ATXN1: variants seen among roughly 807,000 people sequenced by gnomAD.
ATXN1 encodes ataxin-1.
In ATXN1, 8 loss-of-function variants were observed where a neutral mutation model predicts 56.4. The observed-to-expected ratio is 0.14, with a 90% CI of 0.08 to 0.26. ATXN1 has a LOEUF of 0.26. Ranked by LOEUF, ATXN1 falls within the 10% of genes least tolerant of loss-of-function variation. The pLI is 1.00. For synonymous variants in ATXN1, 514 were observed against 494.6 expected (o/e 1.04, Z -0.52); for missense variants, 987 against 1,106.5 (o/e 0.89, Z 1.53).
chr6:16,651,354 C>T (rs944762898), intron 3 of ATXN1, among the ~76,000 whole-genome samples: 4 of 152,122 alleles, frequency 2.6e-5, no homozygotes, highest in Admixed American at 6.6e-5. Context: ...ACCAACCTGA[C>T]CAACATGGTG....
At chr6:16,589,074 C>A (rs532428252) in intron 3 of ATXN1, among the ~76,000 whole-genome samples, 2 of 152,168 alleles carry the variant, frequency 1.3e-5, no homozygotes, top group African/African-American at 2.4e-5. Context: ...TCTTCTGTTC[C>A]CCCCACACAT....
At chr6:16,685,885 T>C (rs897307686) in intron 2 of ATXN1, among the ~76,000 whole-genome samples, 1 of 152,230 alleles carries the variant, frequency 6.6e-6, no homozygotes, top group Non-Finnish European at 1.5e-5. Context: ...GCTTTACTGG[T>C]ATATTTATTT....
intron 3 of ATXN1, among the ~76,000 whole-genome samples, chr6:16,609,813 C>T (rs572275896): frequency 6.6e-6 from 1 of 152,030 alleles, no homozygotes; most frequent in African/African-American, 2.4e-5. Context: ...GAAATAGAAA[C>T]AAGTTTCAGA....
intron 6 of ATXN1, among the ~76,000 whole-genome samples, chr6:16,376,646 T>C (rs1305343292): frequency 2.0e-5 from 3 of 152,206 alleles, no homozygotes; most frequent in African/African-American, 7.2e-5. Flanking sequence ...TCATTTAAAA[T>C]CTACAGCTTT....
intron 6 of ATXN1, among the ~76,000 whole-genome samples, chr6:16,465,218 T>C (rs1439689690): frequency 6.6e-6 from 1 of 152,180 alleles, no homozygotes; most frequent in Non-Finnish European, 1.5e-5. Context: ...ATCCCAGCAC[T>C]TTGGGAGGCC....
At chr6:16,440,452 A>G (rs879575308) in intron 6 of ATXN1, among the ~76,000 whole-genome samples, 2 of 151,736 alleles carry the variant, frequency 1.3e-5, no homozygotes, top group Non-Finnish European at 2.9e-5. Flanking sequence ...AAAGAAAAAA[A>G]AAAAACCATT....
At chr6:16,359,279 G>A (rs769485801) in intron 6 of ATXN1, among the ~76,000 whole-genome samples, 1 of 152,180 alleles carries the variant, frequency 6.6e-6, no homozygotes, top group African/African-American at 2.4e-5. Context: ...GCCGACCAGA[G>A]TGGGGACTCG....
intron 6 of ATXN1, among the ~76,000 whole-genome samples, chr6:16,408,929 C>G (rs1164858814): frequency 6.6e-6 from 1 of 152,120 alleles, no homozygotes; most frequent in Non-Finnish European, 1.5e-5. Context: ...TAATTCTTAC[C>G]TTGGCACCCA....
Position 16,595,938 on chromosome 6 carries a change from G to A in ATXN1, c.-488-10031C>T, listed in dbSNP as rs185674981. On this transcript the variant is annotated intron_variant, in intron 3 of 7. Coordinates refer to ENST00000436367, the MANE Select transcript of ATXN1 (RefSeq NM_001128164.2). ...TAGTGAGCTGGAACCCAGCCAGGCA[G>A]TGTTAAACAGGAGCGAGAGACTTTC... Among the ~76,000 whole-genome samples the A allele has an allele frequency of 9.8e-5, 15 of 152,362 alleles. No individual in the cohort carries two copies. In the East Asian group the frequency reaches 2.9e-3, roughly 29 times the overall value.
At chr6:16,513,692 G>C (rs1761125112) in intron 5 of ATXN1, among the ~76,000 whole-genome samples, 1 of 152,166 alleles carries the variant, frequency 6.6e-6, no homozygotes, top group African/African-American at 2.4e-5. Context: ...CTGGTTTGAA[G>C]AAGTGGGAGA....
At chr6:16,409,957 A>G (rs1758764965) in intron 6 of ATXN1, among the ~76,000 whole-genome samples, 2 of 152,224 alleles carry the variant, frequency 1.3e-5, no homozygotes. Flanking sequence ...TGTCCAAAGC[A>G]TGCTTGGTAC....
intron 3 of ATXN1, among the ~76,000 whole-genome samples, chr6:16,646,750 TA>T: frequency 6.6e-6 from 1 of 152,334 alleles, no homozygotes; most frequent in East Asian, 1.9e-4. Context: ...CAAATCAGAC[TA>T]AATATCCCAC....
intron 6 of ATXN1, among the ~76,000 whole-genome samples, chr6:16,368,707 A>C (rs1253291216): frequency 6.6e-6 from 1 of 152,238 alleles, no homozygotes; most frequent in African/African-American, 2.4e-5. Context: ...AATAATAAAA[A>C]ATGTGATGAG....
At chr6:16,608,142 T>C (rs1410194809) in intron 3 of ATXN1, among the ~76,000 whole-genome samples, 2 of 152,218 alleles carry the variant, frequency 1.3e-5, no homozygotes, top group African/African-American at 2.4e-5. Context: ...CACGCAACCC[T>C]GGCAATATTA....
At chr6:16,422,845 C>G (rs2113568413) in intron 6 of ATXN1, among the ~76,000 whole-genome samples, 1 of 152,276 alleles carries the variant, frequency 6.6e-6, no homozygotes, top group Non-Finnish European at 1.5e-5. Context: ...TTTTCCCAAC[C>G]TGGGCCAATG....
chr6:16,324,609 C>T (rs1760758685), intron 7 of ATXN1, among the ~76,000 whole-genome samples: 1 of 152,108 alleles, frequency 6.6e-6, no homozygotes, highest in Non-Finnish European at 1.5e-5. Context: ...GTTTTCAAAT[C>T]CTAGATGGAA....
At chr6:16,344,981 G>C (rs1761345680) in intron 6 of ATXN1, among the ~76,000 whole-genome samples, 1 of 152,216 alleles carries the variant, frequency 6.6e-6, no homozygotes, top group South Asian at 2.1e-4. Context: ...GCTGCTTAGA[G>C]ACTGAAGTTC....
chr6:16,313,274 G>A (rs116965552), intron 7 of ATXN1, among the ~76,000 whole-genome samples: 2 of 152,182 alleles, frequency 1.3e-5, no homozygotes, highest in East Asian at 1.9e-4. Flanking sequence ...CTCATCTCTC[G>A]TATTTGGCTT....
At chr6:16,426,584 A>AGTGT (rs56706428) in intron 6 of ATXN1, among the ~76,000 whole-genome samples, 8 of 144,988 alleles carry the variant, frequency 5.5e-5, no homozygotes, top group Admixed American at 2.1e-4. Flanking sequence ...GGTGGGGCCG[A>AGTGT]GTGTGTGTGT....
Sources: allele counts gnomAD v4.1 joint callset (sites outside exome capture counted in the v4.1 genomes callset), GRCh38; gene constraint gnomAD v4.1.1; transcripts MANE v1.5; gene names NCBI Gene and HGNC (gene_info 2026-07-23, HGNC 2026-07-21).